Variants in KYNU observed in about 807,000 individuals in gnomAD.
The protein encoded by KYNU is L-kynurenine hydrolase.
Under a neutral mutation model 59.2 loss-of-function variants are expected in KYNU, and 54 were observed. The ratio of observed to expected loss-of-function variants is 0.91; its 90% CI spans 0.73 to 1.14. KYNU has a LOEUF of 1.14. KYNU is among the 50% of genes most tolerant of loss of function. The pLI, the probability that KYNU is intolerant of heterozygous loss-of-function variation, is 0.00. For missense variants in KYNU, 567 were observed against 554.4 expected, an observed-to-expected ratio of 1.02 and a Z score of -0.23; for synonymous variants, 177 against 192.0, an observed-to-expected ratio of 0.92 and a Z score of 0.65.
At chr2:143,012,372 A>G (rs1306122213) in intron 10 of KYNU, among the ~76,000 whole-genome samples, 1 of 151,768 alleles carries the variant, frequency 6.6e-6, no homozygotes, top group African/African-American at 2.4e-5. Flanking sequence ...AATCCCAGCT[A>G]CTCGGGAGGC....
chr2:143,025,668 G>A (rs990675609), intron 10 of KYNU, among the ~76,000 whole-genome samples: 8 of 151,738 alleles, frequency 5.3e-5, no homozygotes, highest in Non-Finnish European at 7.4e-5. Flanking sequence ...ATATTCCATC[G>A]CTTGAGCTTT....
At chr2:142,985,011 T>G (rs1054104317) in intron 8 of KYNU, 73 bp from the exon 9 acceptor site, 5 of 923,202 alleles carry the variant, frequency 5.4e-6, no homozygotes, top group Non-Finnish European at 1.8e-6. Context: ...TCAAATGTTT[T>G]CTTAAAAATA....
chr2:143,051,825 G>A lies in KYNU; in HGVS notation c.*9653G>A, dbSNP rs1353578596. The A allele has an allele frequency of 1.3e-5, 2 of 152,262 alleles. No individual in the cohort carries two copies. The highest frequency in any genetic ancestry group is 2.9e-5 in the Non-Finnish European group (2 of 68,132). 9.4% of individuals were successfully genotyped at this position (152,262 alleles called of 1,614,324 possible). On this transcript the variant is annotated 3_prime_UTR_variant, in exon 14 of 14. Transcript: ENST00000264170. The stretch of plus-strand genomic sequence containing the variant: ...GCCTGAAAACTGACTAATATAGTAA[G>A]TTGGCACCAGTAGAGAGGGGCACTG...
intron 4 of KYNU, among the ~76,000 whole-genome samples, chr2:142,948,858 C>T (rs887231043): frequency 2.6e-5 from 4 of 152,240 alleles, no homozygotes; most frequent in African/African-American, 9.6e-5. Context: ...CCAGCATTAA[C>T]TCAAAAGTCC....
chr2:143,011,249 G>A (rs1215939742), intron 10 of KYNU, among the ~76,000 whole-genome samples: 27 of 132,090 alleles, frequency 2.0e-4, no homozygotes, highest in African/African-American at 7.7e-4. Flanking sequence ...AAAAGTGGGT[G>A]AAGGACATGA....
At chr2:142,880,062 A>G (rs937326745) in intron 1 of KYNU, among the ~76,000 whole-genome samples, 5 of 152,182 alleles carry the variant, frequency 3.3e-5, no homozygotes, top group African/African-American at 1.2e-4. Flanking sequence ...TTCTAGTAAT[A>G]TGTCATTATG....
At chr2:142,924,296 G>A (rs920606284) in intron 3 of KYNU, among the ~76,000 whole-genome samples, 3 of 151,840 alleles carry the variant, frequency 2.0e-5, no homozygotes, top group African/African-American at 7.3e-5. Context: ...TTGTAGAGAC[G>A]ACGTCTCCCT....
At chr2:142,969,439 T>C (rs150793919) in intron 8 of KYNU, among the ~76,000 whole-genome samples, 1,787 of 152,306 alleles carry the variant, frequency 0.012, 17 homozygotes, top group Non-Finnish European at 0.018. Flanking sequence ...TTCAGACAGA[T>C]AGTGAACAAT....
rs1687084580 is a variant in KYNU at position 143,042,523 on chromosome 2, A to G, written c.*351A>G. 5.4e-6 allele frequency: 1 copy of G among 184,332 alleles called. No homozygotes were observed. The highest frequency in any genetic ancestry group is 1.1e-5 in the Non-Finnish European group (1 of 88,446). 11.4% of individuals were successfully genotyped at this position (184,332 alleles called of 1,614,324 possible). On this transcript the variant is annotated 3_prime_UTR_variant, in exon 14 of 14. Coordinates refer to ENST00000264170, the MANE Select transcript of KYNU (RefSeq NM_003937.3). The stretch of plus-strand genomic sequence containing the variant: ...AATGTATGTGCAATTATTGTGTCAA[A>G]TTTAGAAATATTACTTTAGCTTCAA...
At chr2:142,884,688 CTTTTTTTTTTTTT>C (rs70997529) in intron 1 of KYNU, among the ~76,000 whole-genome samples, 16 of 77,058 alleles carry the variant, frequency 2.1e-4, no homozygotes, top group East Asian at 7.5e-4. Flanking sequence ...TTCTCTTTTC[CTTTTTTTTTTTTT>C]TTTTTTTTTT....
chr2:143,039,057 G>T lies in KYNU; in HGVS notation c.1042-1371G>T, dbSNP rs193178976. 1.4e-4 allele frequency among the ~76,000 whole-genome samples: 22 copies of T among 152,186 alleles called. 1 individual carries two copies. The East Asian group carries it at 4.3e-3, about 29-fold the overall frequency. Reference sequence around the variant, plus strand: ...TCTGACCCCTAATATTCCAACACCAGTTATTGTGTGCCCTTGTCACTCATC... The same window carrying T: ...TCTGACCCCTAATATTCCAACACCATTTATTGTGTGCCCTTGTCACTCATC... On this transcript the variant is annotated intron_variant, in intron 12 of 13. Transcript: ENST00000264170.
Position 143,032,623 on chromosome 2 carries a change from A to G in KYNU, c.956-613A>G, listed in dbSNP as rs1041829281. ...ATTGAATTTAACTTGCTACAGTTCA[A>G]TCTGCTTAATTCTAATTAGTAGAGC... On this transcript the variant is annotated intron_variant, in intron 11 of 13. Transcript: ENST00000264170. Among the ~76,000 whole-genome samples the G allele has an allele frequency of 2.6e-5, 4 of 151,888 alleles. No individual in the cohort carries two copies. In the East Asian group the frequency reaches 7.7e-4, roughly 29 times the overall value.
Position 143,043,305 on chromosome 2 carries a change from GTTACAC to G in KYNU, c.*1137_*1142del, listed in dbSNP as rs1159289555. On this transcript the variant is annotated 3_prime_UTR_variant, in exon 14 of 14. Transcript: ENST00000264170. ...TCTTACCCACTGTGAAAAACCTAAA[GTTACAC>G]TTAGCCCTGTTGGACTTACCTAGTT... 2 of 151,836 alleles carry G rather than the reference GTTACAC, an allele frequency of 1.3e-5. No homozygotes were observed. The highest frequency in any genetic ancestry group is 2.9e-5 in the Non-Finnish European group (2 of 67,922). The allele number at this position is 151,836 out of a possible 1,614,324, so 9.4% of individuals were successfully genotyped here.
intron 2 of KYNU, among the ~76,000 whole-genome samples, chr2:142,907,050 G>T (rs567566666): frequency 6.6e-6 from 1 of 152,188 alleles, no homozygotes; most frequent in African/African-American, 2.4e-5. Flanking sequence ...TTCTAAGGTA[G>T]AGGACAGAAT....
At chr2:142,880,492 A>G (rs191634578) in intron 1 of KYNU, among the ~76,000 whole-genome samples, 6 of 152,170 alleles carry the variant, frequency 3.9e-5, no homozygotes, top group African/African-American at 1.4e-4. Flanking sequence ...TGCTTTAACA[A>G]TCAGTGGTTC....
At chr2:143,035,788 A>G (rs987941893) in intron 12 of KYNU, among the ~76,000 whole-genome samples, 1 of 151,832 alleles carries the variant, frequency 6.6e-6, no homozygotes, top group Non-Finnish European at 1.5e-5. Flanking sequence ...TTATTTCTTT[A>G]TTTTTGAGAC....
chr2:142,906,624 GA>G (rs1343452491), intron 2 of KYNU, among the ~76,000 whole-genome samples: 1 of 152,118 alleles, frequency 6.6e-6, no homozygotes, highest in African/African-American at 2.4e-5. Flanking sequence ...GAGAGAAAGT[GA>G]AAGTCTGAAG....
intron 2 of KYNU, among the ~76,000 whole-genome samples, chr2:142,912,387 T>TTTTTTTTTTTTC (rs1558917019): frequency 3.6e-5 from 5 of 139,298 alleles, no homozygotes; most frequent in Middle Eastern, 3.3e-3. Flanking sequence ...TTTTTTTTTT[T>TTTTTTTTTTTTC]TTTTTTTTTG....
chr2:142,930,778 A>C (rs1683184132), intron 4 of KYNU, among the ~76,000 whole-genome samples: 1 of 152,242 alleles, frequency 6.6e-6, no homozygotes, highest in African/African-American at 2.4e-5. Context: ...ATTGGAGATT[A>C]GGGCTTTAAC....
Sources: allele counts gnomAD v4.1 joint callset (sites outside exome capture counted in the v4.1 genomes callset), GRCh38; gene constraint gnomAD v4.1.1; transcripts MANE v1.5; gene names NCBI Gene and HGNC (gene_info 2026-07-23, HGNC 2026-07-21).